Variants in WASHC2A observed in about 807,000 individuals in gnomAD.
WASHC2A encodes WASH complex subunit 2A, also known as WASH complex subunit FAM21A.
A neutral mutation model predicts 140.3 loss-of-function variants in WASHC2A; 82 were observed. The observed-to-expected ratio is 0.58, with a 90% CI of 0.49 to 0.70. WASHC2A has a LOEUF of 0.70. Ranked by LOEUF, WASHC2A falls within the 30% of genes least tolerant of loss-of-function variation. The pLI, the probability that WASHC2A is intolerant of heterozygous loss-of-function variation, is 0.00. For missense variants in WASHC2A, 985 were observed against 1,521.8 expected (o/e 0.65, Z 5.87); for synonymous variants, 340 against 560.8 (o/e 0.61, Z 5.56).
intron 5 of WASHC2A, among the ~76,000 whole-genome samples, chr10:50,083,534 AT>A (rs1187874094): frequency 9.2e-6 from 1 of 108,432 alleles, no homozygotes; most frequent in Admixed American, 8.9e-5. Flanking sequence ...ATTCTGTGTG[AT>A]ACAGCTTTAC....
rs1484983697 is a variant in WASHC2A at position 50,079,676 on chromosome 10, G to A, written c.354+939G>A. Among the ~76,000 whole-genome samples, 6 of 152,236 alleles carry A rather than the reference G, an allele frequency of 3.9e-5. No individual in the cohort carries two copies. The East Asian group carries it at 1.2e-3, about 29-fold the overall frequency. ...GGCCTACCAAAGTGCTAGGATTACA[G>A]GCGTGAGCTACTGTGCCCAGCAGGT... On this transcript the variant is annotated intron_variant, in intron 4 of 30. Coordinates refer to ENST00000282633, the MANE Select transcript of WASHC2A (RefSeq NM_001005751.3).
At chr10:50,100,817 C>T (rs1203104590) in intron 17 of WASHC2A, among the ~76,000 whole-genome samples, 2 of 152,290 alleles carry the variant, frequency 1.3e-5, no homozygotes, top group African/African-American at 4.8e-5. Flanking sequence ...TCATAGGTTG[C>T]TTTGGTCCCT....
At chr10:50,081,379 T>C (rs1261407650) in intron 5 of WASHC2A, among the ~76,000 whole-genome samples, 1 of 121,472 alleles carries the variant, frequency 8.2e-6, no homozygotes, top group African/African-American at 3.1e-5. Flanking sequence ...GCAGAAGAAC[T>C]GAAAGGCATT....
chr10:50,129,385 C>T lies in WASHC2A; in HGVS notation c.3088-34C>T, dbSNP rs190172043. Reference sequence around the variant, plus strand: ...GGTAGCTTTGAACACTTTATTTTATCGTCAGATCAATGTGTGTTTTTTTGC... The same window carrying T: ...GGTAGCTTTGAACACTTTATTTTATTGTCAGATCAATGTGTGTTTTTTTGC... On this transcript the variant is annotated intron_variant, in intron 28 of 30. Coordinates refer to ENST00000282633, the MANE Select transcript of WASHC2A (RefSeq NM_001005751.3). The T allele has an allele frequency of 7.2e-4, 1,163 of 1,611,966 alleles. 6 individuals carry two copies. The Middle Eastern group carries it at 9.0e-3, about 13-fold the overall frequency.
intron 11 of WASHC2A, 107 bp from the exon 12 acceptor site, chr10:50,093,161 A>G (rs1246911359): frequency 3.4e-6 from 2 of 587,210 alleles, no homozygotes; most frequent in East Asian, 2.7e-5. Flanking sequence ...AAATAGTGTC[A>G]GATAAACTCC....
intron 20 of WASHC2A, chr10:50,112,171 G>A: frequency 1.0e-6 from 1 of 982,486 alleles, no homozygotes; most frequent in Non-Finnish European, 1.2e-6. Context: ...ATTCCCATGA[G>A]TGTCCACTAC....
chr10:50,102,986 C>T (rs1841360769), intron 17 of WASHC2A, among the ~76,000 whole-genome samples: 1 of 151,742 alleles, frequency 6.6e-6, no homozygotes, highest in Admixed American at 6.6e-5. Flanking sequence ...CCTGCCACAG[C>T]CTCCTGAGTA....
rs1165712836 is a variant in WASHC2A, at chr10:50,125,582, A to T, written c.2688+133A>T. 876 of 1,590,688 alleles carry T rather than the reference A, an allele frequency of 5.5e-4. 13 individuals carry two copies. The East Asian group carries it at 0.018, about 33-fold the overall frequency. The stretch of plus-strand genomic sequence containing the variant: ...TCCTACTAAATGAATGGCAAATAAC[A>T]TGCTGAGGGGAGCGTGTGTGGAGGA... On this transcript the variant is annotated intron_variant, in intron 25 of 30. Transcript: ENST00000282633.
At position 50,104,109 on chromosome 10, in the gene WASHC2A, C is replaced by T. The variant is rs782216898; in HGVS notation, c.1703C>T (p.Thr568Met). ...GASLLPGKLP[T>M]LVSLFDDEDE... Reference sequence around the variant, plus strand: ...TCTCTGCTGCCTGGCAAGCTCCCCACGTTGGTTTCCCTGTTTGATGATGAA... The same window carrying T: ...TCTCTGCTGCCTGGCAAGCTCCCCATGTTGGTTTCCCTGTTTGATGATGAA... The change falls in exon 18 of 31, where the codon ACG becomes ATG. Residue 568 changes from threonine to methionine, a missense_variant. Transcript: ENST00000282633. The T allele has an allele frequency of 6.9e-6, 10 of 1,455,692 alleles. 2 individuals are homozygous for T. Among genetic ancestry groups the T allele is most frequent in the East Asian group, 2.2e-5 (1 of 44,854 alleles). The allele number at this position is 1,455,692 out of a possible 1,614,324, so 90.2% of individuals were successfully genotyped here. A position where few individuals can be genotyped will look rare whatever the true frequency, so the allele number is the denominator to read the frequency against.
Position 50,132,972 on chromosome 10 carries a change from C to T in WASHC2A, c.*27C>T. On this transcript the variant is annotated 3_prime_UTR_variant, in exon 31 of 31. Coordinates refer to ENST00000282633, the MANE Select transcript of WASHC2A (RefSeq NM_001005751.3). ...GCACACAGGGTATCCACATGTTACC[C>T]TGCAGCTACATTGTTGAGTTAGTGA... 1 of 1,611,824 alleles carries T rather than the reference C, an allele frequency of 6.2e-7. No homozygotes were observed. The highest frequency in any genetic ancestry group is 8.5e-7 in the Non-Finnish European group (1 of 1,179,720).
chr10:50,109,127 G>A (rs1263683796), intron 19 of WASHC2A, among the ~76,000 whole-genome samples: 30 of 152,184 alleles, frequency 2.0e-4, no homozygotes, highest in Admixed American at 5.2e-4. Context: ...GAAAATAGGC[G>A]CGGGGCCTGA....
chr10:50,078,817 G>A (rs1838619544), intron 4 of WASHC2A, 80 bp downstream of exon 4: 6 of 1,611,658 alleles, frequency 3.7e-6, no homozygotes. Flanking sequence ...GTGGGAACTG[G>A]GGGATGGTGG....
In WASHC2A at chr10:50,087,256, C is replaced by A. The variant is rs1839467747; in HGVS notation, c.685-19C>A. On this transcript the variant is annotated intron_variant, in intron 7 of 30. Transcript: ENST00000282633. ...AAGTAAAGCCCATTTAACAACAAAG[C>A]CTTTTCTTCCCCACAAAGGAGTCAG... 3 of 1,613,772 alleles carry A rather than the reference C, an allele frequency of 1.9e-6. No homozygotes were observed. Among genetic ancestry groups the A allele is most frequent in the Admixed American group, 3.3e-5 (2 of 59,998 alleles).
chr10:50,074,872 T>C (rs1838164822), intron 3 of WASHC2A, among the ~76,000 whole-genome samples: 2 of 152,190 alleles, frequency 1.3e-5, no homozygotes, highest in East Asian at 3.9e-4. Flanking sequence ...GCCGAGATCC[T>C]GCCACTGCAC....
intron 8 of WASHC2A, among the ~76,000 whole-genome samples, chr10:50,090,515 A>AAAAAAAATATATATATATATATATAT (rs1214596899): frequency 1.8e-5 from 2 of 108,766 alleles, no homozygotes; most frequent in African/African-American, 6.5e-5. Flanking sequence ...AAAAAAAAAA[A>AAAAAAAATATATATATATATATATAT]ATATATATAT....
chr10:50,127,476 C>T lies in WASHC2A; in HGVS notation c.2875-107C>T, dbSNP rs1843535120. 5.0e-6 allele frequency: 8 copies of T among 1,611,098 alleles called. 1 individual carries two copies. Among genetic ancestry groups the T allele is most frequent in the South Asian group, 1.1e-5 (1 of 90,844 alleles). ...GGCGATTTTCCTACGTTTCTCTACT[C>T]CTCTCGTATTATACATTATGTGCAC... On this transcript the variant is annotated intron_variant, in intron 27 of 30. Coordinates refer to ENST00000282633, the MANE Select transcript of WASHC2A (RefSeq NM_001005751.3).
intron 4 of WASHC2A, among the ~76,000 whole-genome samples, chr10:50,079,910 C>T (rs1257197432): frequency 6.6e-6 from 1 of 151,402 alleles, no homozygotes; most frequent in Non-Finnish European, 1.5e-5. Context: ...GAAAAATACA[C>T]AACCAAGACA....
At chr10:50,095,557 C>T (rs1840406804) in intron 14 of WASHC2A, 42 bp from the exon 15 acceptor site, 2 of 1,611,226 alleles carry the variant, frequency 1.2e-6, no homozygotes, top group South Asian at 1.1e-5. Context: ...AACCGGCCCA[C>T]ACTGGCTCAC....
chr10:50,099,663 C>T (rs1256029504), intron 16 of WASHC2A, among the ~76,000 whole-genome samples: 1 of 137,528 alleles, frequency 7.3e-6, no homozygotes, highest in Non-Finnish European at 1.5e-5. Flanking sequence ...TGCCGACCAC[C>T]TAAGGCCCAG....
Sources: gnomAD v4.1 joint callset for allele counts (sites outside exome capture counted in the v4.1 genomes callset) on GRCh38, gnomAD v4.1.1 for gene constraint, MANE v1.5 for transcripts, NCBI Gene and HGNC (gene_info 2026-07-23, HGNC 2026-07-21) for gene names.